The following CNTN4 variants were observed in gnomAD, a reference collection of about 807,000 sequenced individuals.
CNTN4 encodes the protein contactin 4.
A neutral mutation model predicts 122.5 loss-of-function variants in CNTN4; 77 were observed. That is an observed-to-expected ratio of 0.63 (90% CI 0.52 to 0.76). The LOEUF (loss-of-function observed/expected upper bound fraction) is 0.76, where lower values mean the gene tolerates loss of function less well. CNTN4 is among the 30% of genes least tolerant of loss of function. The pLI is 0.00. For synonymous variants in CNTN4, 512 were observed against 447.0 expected, an observed-to-expected ratio of 1.15 and a Z score of -1.83; for missense variants, 1,256 against 1,259.1, an observed-to-expected ratio of 1.00 and a Z score of 0.04.
chr3:2,548,674 CA>C (rs781204241), intron 3 of CNTN4, among the ~76,000 whole-genome samples: 8 of 151,954 alleles, frequency 5.3e-5, no homozygotes, highest in Non-Finnish European at 1.0e-4. Context: ...TTTTTGGTTC[CA>C]TATGAAATTT....
intron 13 of CNTN4, among the ~76,000 whole-genome samples, chr3:2,964,822 C>T (rs753362514): frequency 2.6e-4 from 40 of 152,154 alleles, no homozygotes; most frequent in Non-Finnish European, 4.7e-4. Flanking sequence ...TAATTGAAGT[C>T]GCACAACTAG....
At chr3:2,599,273 C>A (rs1300891063) in intron 4 of CNTN4, among the ~76,000 whole-genome samples, 7 of 152,060 alleles carry the variant, frequency 4.6e-5, no homozygotes, top group Non-Finnish European at 8.8e-5. Context: ...GAAACTGAGG[C>A]TTATAGAATT....
At chr3:2,898,470 A>C (rs1021221723) in intron 10 of CNTN4, among the ~76,000 whole-genome samples, 1 of 152,186 alleles carries the variant, frequency 6.6e-6, no homozygotes, top group Admixed American at 6.5e-5. Flanking sequence ...ATGAGCCCTC[A>C]GAAGTGCTTA....
chr3:2,245,496 G>A (rs1317952032), intron 2 of CNTN4, among the ~76,000 whole-genome samples: 1 of 151,982 alleles, frequency 6.6e-6, no homozygotes, highest in African/African-American at 2.4e-5. Context: ...CCCAGAGGGT[G>A]ATTGTCCTGC....
chr3:2,896,501 A>T (rs1425851338), intron 10 of CNTN4, among the ~76,000 whole-genome samples: 1 of 152,158 alleles, frequency 6.6e-6, no homozygotes, highest in Non-Finnish European at 1.5e-5. Context: ...GAAATCCAAC[A>T]TGCATATTTC....
At chr3:2,919,988 A>G (rs980496360) in intron 12 of CNTN4, among the ~76,000 whole-genome samples, 5 of 152,270 alleles carry the variant, frequency 3.3e-5, no homozygotes, top group African/African-American at 9.6e-5. Flanking sequence ...TATAAAAAAA[A>G]ATAAAAGGCC....
chr3:2,963,086 A>T (rs954234192), intron 13 of CNTN4, among the ~76,000 whole-genome samples: 1 of 152,138 alleles, frequency 6.6e-6, no homozygotes, highest in Non-Finnish European at 1.5e-5. Flanking sequence ...TGGCACTCTC[A>T]TCTGCCCATC....
At chr3:2,276,505 T>G (rs1237191429) in intron 2 of CNTN4, among the ~76,000 whole-genome samples, 1 of 152,022 alleles carries the variant, frequency 6.6e-6, no homozygotes, top group African/African-American at 2.4e-5. Context: ...TTTAAAAAAT[T>G]TGTCATGCTG....
Position 3,014,602 on chromosome 3 carries a change from T to C in CNTN4, c.1487-11500T>C, listed in dbSNP as rs1278065215. On this transcript the variant is annotated intron_variant, in intron 14 of 24. Coordinates refer to ENST00000418658, the MANE Select transcript of CNTN4 (RefSeq NM_175607.3). The stretch of plus-strand genomic sequence containing the variant: ...TTGGTGTGAATGTCATTTATTAGCA[T>C]GTGATGTCTTTGTGGAGTAGAGGAT... 2.6e-5 allele frequency among the ~76,000 whole-genome samples: 4 copies of C among 151,918 alleles called. No individual in the cohort carries two copies. In the South Asian group the frequency reaches 6.2e-4, roughly 24 times the overall value.
intron 3 of CNTN4, among the ~76,000 whole-genome samples, chr3:2,434,827 C>G (rs538267293): frequency 2.6e-5 from 4 of 152,262 alleles, no homozygotes; most frequent in Admixed American, 1.3e-4. Flanking sequence ...TCACTCCTGC[C>G]TCTTCCTATA....
intron 6 of CNTN4, among the ~76,000 whole-genome samples, chr3:2,791,416 C>G (rs2092006363): frequency 6.6e-6 from 1 of 151,722 alleles, no homozygotes; most frequent in South Asian, 2.1e-4. Context: ...ACCTCTAGTC[C>G]CAGCTACTCA....
intron 2 of CNTN4, among the ~76,000 whole-genome samples, chr3:2,324,652 C>T (rs909343646): frequency 6.6e-5 from 10 of 152,154 alleles, no homozygotes; most frequent in Non-Finnish European, 1.3e-4. Flanking sequence ...TTCTGAGAAC[C>T]CTGAGCCTAC....
At chr3:2,622,067 T>C (rs2082010758) in intron 4 of CNTN4, among the ~76,000 whole-genome samples, 1 of 152,192 alleles carries the variant, frequency 6.6e-6, no homozygotes. Flanking sequence ...CAGTTCCATC[T>C]CTGTTTTAAA....
intron 7 of CNTN4, among the ~76,000 whole-genome samples, chr3:2,843,584 C>T (rs1041188116): frequency 8.5e-5 from 13 of 152,176 alleles, no homozygotes; most frequent in African/African-American, 2.4e-4. Flanking sequence ...GGATCCTTCA[C>T]GGCTCAGTGC....
At chr3:2,292,884 T>G (rs1262404729) in intron 2 of CNTN4, among the ~76,000 whole-genome samples, 3 of 152,238 alleles carry the variant, frequency 2.0e-5, no homozygotes, top group African/African-American at 7.2e-5. Context: ...CTGCAAGTCT[T>G]GTTGTGGACA....
chr3:2,735,994 G>A (rs2089059449), intron 4 of CNTN4: 1 of 661,380 alleles, frequency 1.5e-6, no homozygotes, highest in Admixed American at 1.8e-5. Context: ...TAAAATTAGT[G>A]ACCAATGTGA....
intron 2 of CNTN4, among the ~76,000 whole-genome samples, chr3:2,243,971 A>G (rs2040042004): frequency 6.6e-6 from 1 of 152,042 alleles, no homozygotes; most frequent in African/African-American, 2.4e-5. Context: ...TGCACTTAAT[A>G]TGTTATTCAG....
intron 2 of CNTN4, among the ~76,000 whole-genome samples, chr3:2,280,310 A>T (rs1025836086): frequency 6.6e-6 from 1 of 152,202 alleles, no homozygotes; most frequent in South Asian, 2.1e-4. Context: ...TGATTGATTA[A>T]AAGTATATTT....
intron 14 of CNTN4, among the ~76,000 whole-genome samples, chr3:3,003,692 A>G (rs1323550922): frequency 0.024 from 3,426 of 143,962 alleles, 174 homozygotes; most frequent in African/African-American, 0.088. Flanking sequence ...ACCAAAAAAA[A>G]AAAAAAAAAA....
Sources: allele counts gnomAD v4.1 joint callset (sites outside exome capture counted in the v4.1 genomes callset), GRCh38; gene constraint gnomAD v4.1.1; transcripts MANE v1.5; gene names NCBI Gene and HGNC (gene_info 2026-07-23, HGNC 2026-07-21).